The following FANCM variants were observed in gnomAD, a reference collection of about 807,000 sequenced individuals.
FANCM encodes FA complementation group M, also known as Fanconi anemia group M protein.
FANCM carries 140 observed loss-of-function variants against 199.5 expected under a neutral mutation model. That is an observed-to-expected ratio of 0.70 (90% CI 0.61 to 0.81). The LOEUF is 0.81. Ranked by LOEUF, FANCM falls within the 30% of genes least tolerant of loss-of-function variation. The probability of loss-of-function intolerance (pLI) is 0.00; values close to 1 mark genes in which losing one functional copy is unlikely to be tolerated. For missense variants in FANCM, 2,410 were observed against 2,421.4 expected, an observed-to-expected ratio of 1.00 and a Z score of 0.10; for synonymous variants, 840 against 836.8, an observed-to-expected ratio of 1.00 and a Z score of -0.07.
intron 5 of FANCM, among the ~76,000 whole-genome samples, chr14:45,152,758 G>A (rs981643549): frequency 6.6e-6 from 1 of 152,266 alleles, no homozygotes; most frequent in Admixed American, 6.5e-5. Context: ...ATTATACCAC[G>A]AAACCGGATA....
chr14:45,176,401 A>G lies in FANCM; in HGVS notation c.3647A>G (p.Asn1216Ser), dbSNP rs1888702090. 1 of 1,612,880 alleles carries G rather than the reference A, an allele frequency of 6.2e-7. No homozygotes were observed. The highest frequency in any genetic ancestry group is 1.3e-5 in the African/African-American group (1 of 74,928). The stretch of plus-strand genomic sequence containing the variant: ...GGTGTACAGGAAGAAAAAGTGAAGA[A>G]TCATGAGGATATTTTTGATTGCTCT... The part of the protein sequence containing the change: ...QRGVQEEKVK[N>S]HEDIFDCSRD... Residue 1216 changes from asparagine (N) to serine (S), a missense_variant, in exon 14 of 23, where the codon AAT becomes AGT. Transcript: ENST00000267430.
intron 6 of FANCM, 116 bp downstream of exon 6, chr14:45,154,168 A>C (rs1175909352): frequency 1.4e-6 from 1 of 714,088 alleles, no homozygotes; most frequent in Non-Finnish European, 2.4e-6. Context: ...TGGGAAGCCG[A>C]GGTGGGTGGA....
chr14:45,164,644 C>T, intron 10 of FANCM, 79 bp downstream of exon 10: 1 of 1,090,206 alleles, frequency 9.2e-7, no homozygotes, highest in Non-Finnish European at 1.4e-6. Flanking sequence ...AACATGTTAG[C>T]ATTCCAAGTC....
At chr14:45,156,747 G>C (rs749100559) in intron 8 of FANCM, among the ~76,000 whole-genome samples, 26 of 151,892 alleles carry the variant, frequency 1.7e-4, no homozygotes, top group South Asian at 2.1e-4. Context: ...GTGAAACCCC[G>C]TCTCTACTAA....
In FANCM at chr14:45,175,691, T is replaced by A. The variant is rs1188507113; in HGVS notation, c.2937T>A (p.Cys979Ter). 2 of 1,613,738 alleles carry A rather than the reference T, an allele frequency of 1.2e-6. No homozygotes were observed. Among genetic ancestry groups the A allele is most frequent in the Non-Finnish European group, 1.7e-6 (2 of 1,179,744 alleles). The change falls in exon 14 of 23, where the codon TGT (cysteine) becomes TGA (stop). Residue 979 changes from cysteine (C) to a stop codon, truncating the protein, a stop_gained. Transcript: ENST00000267430. LOFTEE classifies it high-confidence loss of function. ...GAACAGATGACCAATTTTATAATTG[T>A]CACTCATTGACAAAAGAGGTACTAG... ...IVRTDDQFYN[C>*]HSLTKEVLAN...
At chr14:45,145,378 A>G (rs180933626) in intron 3 of FANCM, among the ~76,000 whole-genome samples, 2 of 152,122 alleles carry the variant, frequency 1.3e-5, no homozygotes, top group Admixed American at 1.3e-4. Context: ...TCGTCTCCAG[A>G]GCATTTGCAG....
Position 45,176,641 on chromosome 14 carries a change from TC to T in FANCM, c.3890del (p.Pro1297HisfsTer16). 1 of 1,613,620 alleles carries T rather than the reference TC, an allele frequency of 6.2e-7. No individual in the cohort carries two copies. Among genetic ancestry groups the T allele is most frequent in the Non-Finnish European group, 8.5e-7 (1 of 1,179,758 alleles). ...AATTTTACTAGTGGAACTGTTATTA[TC>T]CCATCAAATGAAGATATGCAGAATC... ...SKNFTSGTVI[I>X]PSNEDMQNPN... On this transcript the variant is annotated frameshift_variant, in exon 14 of 23. Coordinates refer to ENST00000267430, the MANE Select transcript of FANCM (RefSeq NM_020937.4). LOFTEE classifies it high-confidence loss of function.
intron 20 of FANCM, among the ~76,000 whole-genome samples, chr14:45,191,773 A>G (rs1247016809): frequency 1.3e-5 from 2 of 152,220 alleles, no homozygotes; most frequent in African/African-American, 4.8e-5. Flanking sequence ...CTACCCTGAC[A>G]AAAATCTTCA....
At chr14:45,179,781 C>G (rs1462741537) in intron 14 of FANCM, among the ~76,000 whole-genome samples, 1 of 151,950 alleles carries the variant, frequency 6.6e-6, no homozygotes, top group African/African-American at 2.4e-5. Flanking sequence ...AGGCTGGTCT[C>G]GGACTCCTGA....
At chr14:45,162,758 A>C (rs1306335663) in intron 9 of FANCM, among the ~76,000 whole-genome samples, 1 of 152,200 alleles carries the variant, frequency 6.6e-6, no homozygotes, top group Non-Finnish European at 1.5e-5. Flanking sequence ...ATCAATCTTA[A>C]GCATGGAAGT....
chr14:45,200,057 G>A lies in FANCM; in HGVS notation c.*49G>A. The A allele has an allele frequency of 1.5e-6, 2 of 1,327,014 alleles. No homozygotes were observed. Among genetic ancestry groups the A allele is most frequent in the Non-Finnish European group, 2.1e-6 (2 of 930,550 alleles). 82.2% of individuals were successfully genotyped at this position (1,327,014 alleles called of 1,614,324 possible). A position where few individuals can be genotyped will look rare whatever the true frequency, so the allele number is the denominator to read the frequency against. ...TCAAAGACCTCTCACAATATTAAATGCACTTCAATAATCATTGCTGTTTTA... is the reference window on the plus strand; with the variant it reads ...TCAAAGACCTCTCACAATATTAAATACACTTCAATAATCATTGCTGTTTTA... On this transcript the variant is annotated 3_prime_UTR_variant, in exon 23 of 23. Coordinates refer to ENST00000267430, the MANE Select transcript of FANCM (RefSeq NM_020937.4).
intron 6 of FANCM, among the ~76,000 whole-genome samples, chr14:45,154,309 G>C (rs184932864): frequency 1.3e-5 from 2 of 151,848 alleles, no homozygotes; most frequent in Admixed American, 6.6e-5. Context: ...ACTGAGGCGG[G>C]AGAATCGCTT....
At chr14:45,193,203 C>G (rs1889871383) in intron 20 of FANCM, among the ~76,000 whole-genome samples, 1 of 152,168 alleles carries the variant, frequency 6.6e-6, no homozygotes, top group African/African-American at 2.4e-5. Context: ...AGAAAATACC[C>G]TCTATAACTG....
At chr14:45,185,192 A>G (rs772904079) in intron 17 of FANCM, 25 bp from the exon 18 acceptor site, 10 of 1,474,454 alleles carry the variant, frequency 6.8e-6, no homozygotes, top group Admixed American at 1.7e-5. Context: ...TGATATCTTC[A>G]TGTTTTCTAA....
Position 45,160,096 on chromosome 14 carries a change from G to A in FANCM, c.1581+816G>A, listed in dbSNP as rs111413899. The stretch of plus-strand genomic sequence containing the variant: ...GCTCACTGCAACCTCCGCCTCCCAG[G>A]TTCAAGCAATTCTCCTGCCTCAGCC... On this transcript the variant is annotated intron_variant, in intron 9 of 22. Transcript: ENST00000267430. Among the ~76,000 whole-genome samples the A allele has an allele frequency of 1.5e-3, 222 of 150,252 alleles. 1 individual carries two copies. The highest frequency in any genetic ancestry group is 5.3e-3 in the African/African-American group (217 of 40,956).
In FANCM at chr14:45,148,930, A is replaced by C. The variant is rs1428587779; in HGVS notation, c.853A>C (p.Lys285Gln). The part of the protein sequence containing the change: ...PDILTYSHER[K>Q]VEKLIVPLGE... ...TATTTTGACATATTCTCATGAAAGA[A>C]AAGTTGAAAAGCTTATTGTTCCGCT... Residue 285 changes from lysine (K) to glutamine (Q), a missense_variant, in exon 4 of 23, where the codon AAA becomes CAA. Physicochemically the swap from Lys to Gln is moderately conservative, Grantham distance 53. Transcript: ENST00000267430. 6.2e-7 allele frequency: 1 copy of C among 1,613,872 alleles called. No individual in the cohort carries two copies. Among genetic ancestry groups the C allele is most frequent in the South Asian group, 1.1e-5 (1 of 91,074 alleles).
At position 45,189,032 on chromosome 14, in the gene FANCM, A is replaced by G. The variant is rs1397401293; in HGVS notation, c.5010A>G (p.Pro1670=). The change falls in exon 20 of 23, where the codon CCA becomes CCG. Residue 1670 remains proline (P), a synonymous_variant. Transcript: ENST00000267430. ...SKKKLSRIIL[P]DDSSEEENNV... ...AGAAATTATCCAGAATTATTTTACCAGATGATTCAAGTGAGGAGGAGAACA... is the reference window on the plus strand; with the variant it reads ...AGAAATTATCCAGAATTATTTTACCGGATGATTCAAGTGAGGAGGAGAACA... The G allele has an allele frequency of 6.2e-7, 1 of 1,614,044 alleles. No individual in the cohort carries two copies. The highest frequency in any genetic ancestry group is 8.5e-7 in the Non-Finnish European group (1 of 1,179,864).
intron 20 of FANCM, chr14:45,195,559 G>A (rs1023184317): frequency 6.6e-6 from 3 of 456,448 alleles, no homozygotes; most frequent in Non-Finnish European, 1.3e-5. Flanking sequence ...ACAGGATTTG[G>A]CAGATTACTT....
Position 45,198,864 on chromosome 14 carries a change from T to C in FANCM, c.5937T>C (p.Ile1979=). The C allele has an allele frequency of 6.2e-7, 1 of 1,611,828 alleles. No homozygotes were observed. The highest frequency in any genetic ancestry group is 8.5e-7 in the Non-Finnish European group (1 of 1,178,048). The part of the protein sequence containing the change: ...KSEALQFYLS[I]PNISYITALN... ...AGGCACTCCAGTTTTATTTAAGTAT[T>C]CCCAATATAAGTTATATAACTGCAT... Residue 1979 remains isoleucine (I), a synonymous_variant, in exon 22 of 23, where the codon ATT becomes ATC. Transcript: ENST00000267430.
Sources: allele counts gnomAD v4.1 joint callset (sites outside exome capture counted in the v4.1 genomes callset), GRCh38; gene constraint gnomAD v4.1.1; transcripts MANE v1.5; gene names NCBI Gene and HGNC (gene_info 2026-07-23, HGNC 2026-07-21).